The following DNAH11 variants were observed in gnomAD, a reference collection of about 807,000 sequenced individuals.
DNAH11 encodes the protein dynein axonemal heavy chain 11, also known as axonemal beta dynein heavy chain 11.
DNAH11 carries 442 observed loss-of-function variants against 526.0 expected under a neutral mutation model. That is an observed-to-expected ratio of 0.84 (90% CI 0.78 to 0.91). DNAH11 has a LOEUF of 0.91. Ranked by LOEUF, DNAH11 falls within the 40% of genes least tolerant of loss-of-function variation. DNAH11 has a pLI of 0.00. For synonymous variants in DNAH11, 2,461 were observed against 1,935.9 expected (o/e 1.27, Z -7.12); for missense variants, 6,989 against 5,448.7 (o/e 1.28, Z -8.90).
intron 65 of DNAH11, among the ~76,000 whole-genome samples, chr7:21,833,610 G>C (rs759034050): frequency 6.6e-6 from 1 of 152,024 alleles, no homozygotes; most frequent in African/African-American, 2.4e-5. Flanking sequence ...CAGGAGAATC[G>C]CTTGAACCCA....
rs117892579 is a variant in DNAH11, at chr7:21,713,053, G to T, written c.6983+1193G>T. Among the ~76,000 whole-genome samples, 12 of 152,300 alleles carry T rather than the reference G, an allele frequency of 7.9e-5. No homozygotes were observed. The East Asian group carries it at 1.5e-3, about 20-fold the overall frequency. ...CTATCCATACATGAACAGTTGTAAT[G>T]CTTTGATTTAGAGCAACTTTATGGT... On this transcript the variant is annotated intron_variant, in intron 42 of 81. Transcript: ENST00000409508.
intron 56 of DNAH11, among the ~76,000 whole-genome samples, chr7:21,777,076 A>G (rs1248488840): frequency 6.6e-6 from 1 of 151,932 alleles, no homozygotes. Flanking sequence ...AACCACACCT[A>G]CGTTACCCCC....
chr7:21,601,165 A>G lies in DNAH11; in HGVS notation c.3411A>G (p.Arg1137=). 1 of 1,599,586 alleles carries G rather than the reference A, an allele frequency of 6.3e-7. No individual in the cohort carries two copies. ...GGATGTTTCAGGAGCATCTTTTGAG[A>G]TTTGTCATTGACAGGTAGCCTTTTA... ...WSWMFQEHLL[R]FVIDSLNELQ... Residue 1137 remains arginine (R), a synonymous_variant, in exon 17 of 82, where the codon AGA becomes AGG. Coordinates refer to ENST00000409508, the MANE Select transcript of DNAH11 (RefSeq NM_001277115.2).
chr7:21,704,401 ATTGGCT>A lies in DNAH11; in HGVS notation c.6274-30_6274-25del, dbSNP rs745410314. The A allele has an allele frequency of 1.6e-5, 25 of 1,577,342 alleles. No homozygotes were observed. The African/African-American group carries it at 3.4e-4, about 21-fold the overall frequency. On this transcript the variant is annotated intron_variant, in intron 37 of 81. Transcript: ENST00000409508. ...TTTTTAGGTGTTTGTTAGACCTTGTATTGGCTTTTTTATAAAATGTTTTTTTTTCTA... is the reference window on the plus strand; with the variant it reads ...TTTTTAGGTGTTTGTTAGACCTTGTATTTTTATAAAATGTTTTTTTTTCTA...
chr7:21,893,015 C>A (rs1784382454), intron 77 of DNAH11, among the ~76,000 whole-genome samples: 1 of 152,162 alleles, frequency 6.6e-6, no homozygotes, highest in African/African-American at 2.4e-5. Context: ...GTTCATGTAC[C>A]AATGGTTCAT....
chr7:21,746,199 T>C, intron 51 of DNAH11, among the ~76,000 whole-genome samples: 1 of 152,184 alleles, frequency 6.6e-6, no homozygotes, highest in Non-Finnish European at 1.5e-5. Flanking sequence ...TTACATCCGA[T>C]ACTGCTCTCC....
intron 14 of DNAH11, among the ~76,000 whole-genome samples, chr7:21,594,431 T>A (rs1291282963): frequency 1.3e-5 from 2 of 152,108 alleles, no homozygotes; most frequent in Admixed American, 1.3e-4. Context: ...TCATGGAACT[T>A]GAATCAAGTG....
chr7:21,588,131 G>A lies in DNAH11; in HGVS notation c.1778G>A (p.Ser593Asn), dbSNP rs754774362. The A allele has an allele frequency of 1.2e-5, 20 of 1,613,300 alleles. No individual in the cohort carries two copies. The East Asian group carries it at 4.5e-4, about 36-fold the overall frequency. The change falls in exon 10 of 82, where the codon AGC becomes AAC. Residue 593 changes from serine to asparagine, a missense_variant. Ser to Asn is a conservative substitution (Grantham distance 46). Transcript: ENST00000409508. The stretch of plus-strand genomic sequence containing the variant: ...ATGGAAATTTTCAGCCTACATTACA[G>A]CACACTAGTGCATATGTTTAATACA... Reference protein sequence around the residue: ...VVMEIFSLHYSTLVHMFNTEL... With the variant: ...VVMEIFSLHYNTLVHMFNTEL...
At chr7:21,678,955 A>G (rs929757525) in intron 30 of DNAH11, among the ~76,000 whole-genome samples, 5 of 152,226 alleles carry the variant, frequency 3.3e-5, no homozygotes, top group Non-Finnish European at 7.3e-5. Context: ...TTTATTCACA[A>G]TAGCCAAGAT....
At position 21,787,476 on chromosome 7, in the gene DNAH11, G is replaced by A; in HGVS notation, c.9817G>A (p.Glu3273Lys). The A allele has an allele frequency of 2.5e-6, 4 of 1,613,748 alleles. No individual in the cohort carries two copies. In the African/African-American group the frequency reaches 5.3e-5, roughly 22 times the overall value. The stretch of plus-strand genomic sequence containing the variant: ...AGAGAACTGTCTAAAAGTGGTGAAT[G>A]AACACTATTTGAAAGACCCAGAGTT... ...IPENCLKVVN[E>K]HYLKDPEFNP... is the part of the protein sequence containing the mutation. Residue 3273 changes from glutamate to lysine, a missense_variant, in exon 60 of 82, where the codon GAA becomes AAA. By Grantham distance (56) the Glu-to-Lys change is moderately conservative. Transcript: ENST00000409508.
intron 54 of DNAH11, among the ~76,000 whole-genome samples, chr7:21,761,358 T>A (rs1371981695): frequency 6.6e-6 from 1 of 152,238 alleles, no homozygotes; most frequent in Admixed American, 6.5e-5. Context: ...TCCCAGAGTC[T>A]GGTTTAGCTG....
At chr7:21,715,132 A>C (rs1784603452) in intron 42 of DNAH11, among the ~76,000 whole-genome samples, 1 of 152,214 alleles carries the variant, frequency 6.6e-6, no homozygotes, top group Non-Finnish European at 1.5e-5. Flanking sequence ...CCATTTTTCC[A>C]GGCCACGGTG....
rs146953203 is a variant in DNAH11 at position 21,792,096 on chromosome 7, A to G, written c.10026+2754A>G. On this transcript the variant is annotated intron_variant, in intron 61 of 81. Coordinates refer to ENST00000409508, the MANE Select transcript of DNAH11 (RefSeq NM_001277115.2). Reference sequence around the variant, plus strand: ...TTGTGTTGAGGTATGTGCCTTCCATACCTAGTTTGCTGAGCATTTTTATCA... The same window carrying G: ...TTGTGTTGAGGTATGTGCCTTCCATGCCTAGTTTGCTGAGCATTTTTATCA... Among the ~76,000 whole-genome samples the G allele has an allele frequency of 7.0e-3, 1,060 of 152,214 alleles. 7 individuals carry two copies. The highest frequency in any genetic ancestry group is 0.011 in the Non-Finnish European group (757 of 67,988).
chr7:21,854,349 A>G lies in DNAH11; in HGVS notation c.11096A>G (p.Asn3699Ser), dbSNP rs370458679. ...IEAKENERKI[N>S]EARECYRPVA... ...GCCAAAGAAAATGAAAGAAAAATCA[A>G]CGAGGCCCGAGAATGTTACAGACCA... The change falls in exon 68 of 82, where the codon AAC becomes AGC. Residue 3699 changes from asparagine to serine, a missense_variant. By Grantham distance (46) the Asn-to-Ser change is conservative. Coordinates refer to ENST00000409508, the MANE Select transcript of DNAH11 (RefSeq NM_001277115.2). 4.3e-6 allele frequency: 7 copies of G among 1,613,646 alleles called. No individual in the cohort carries two copies. Among genetic ancestry groups the G allele is most frequent in the Middle Eastern group, 1.6e-4 (1 of 6,084 alleles).
intron 65 of DNAH11, among the ~76,000 whole-genome samples, chr7:21,823,434 C>T (rs1406980533): frequency 1.3e-5 from 2 of 152,064 alleles, no homozygotes; most frequent in Non-Finnish European, 2.9e-5. Context: ...CTTAACTTTT[C>T]TTTTCACAGC....
At chr7:21,648,896 A>G (rs1037036857) in intron 28 of DNAH11, among the ~76,000 whole-genome samples, 1 of 152,136 alleles carries the variant, frequency 6.6e-6, no homozygotes, top group East Asian at 1.9e-4. Context: ...CCCTTCCTGA[A>G]TACCTTGATA....
chr7:21,712,115 A>G (rs879338322), intron 42 of DNAH11, among the ~76,000 whole-genome samples: 8 of 152,202 alleles, frequency 5.3e-5, no homozygotes, highest in Admixed American at 4.6e-4. Context: ...GGTACCGCAT[A>G]TAAATGGAAT....
intron 25 of DNAH11, 67 bp from the exon 26 acceptor site, chr7:21,635,804 C>T (rs2128459367): frequency 8.0e-7 from 1 of 1,244,092 alleles, no homozygotes; most frequent in South Asian, 1.5e-5. Context: ...AGATATAGTG[C>T]CTCCCTCATA....
chr7:21,781,512 A>G (rs909226239), intron 57 of DNAH11, among the ~76,000 whole-genome samples: 2 of 152,172 alleles, frequency 1.3e-5, no homozygotes, highest in African/African-American at 2.4e-5. Context: ...TTGCTTTCAA[A>G]CTGTGTTCTC....
Sources: allele counts gnomAD v4.1 joint callset (sites outside exome capture counted in the v4.1 genomes callset), GRCh38; gene constraint gnomAD v4.1.1; transcripts MANE v1.5; gene names NCBI Gene and HGNC (gene_info 2026-07-23, HGNC 2026-07-21).